The following NRG1 variants were observed in gnomAD, a reference collection of about 807,000 sequenced individuals.
The protein encoded by NRG1 is neuregulin 1.
A neutral mutation model predicts 63.8 loss-of-function variants in NRG1; 18 were observed. That is an observed-to-expected ratio of 0.28 (90% CI 0.19 to 0.42). The LOEUF is 0.42. Ranked by LOEUF, NRG1 falls within the 10% of genes least tolerant of loss-of-function variation. NRG1 has a pLI of 1.00. For synonymous variants in NRG1, 302 were observed against 301.3 expected, an observed-to-expected ratio of 1.00 and a Z score of -0.02; for missense variants, 762 against 814.7, an observed-to-expected ratio of 0.94 and a Z score of 0.79.
intron 1 of NRG1, among the ~76,000 whole-genome samples, chr8:32,265,830 G>A (rs776196343): frequency 4.6e-5 from 7 of 152,026 alleles, no homozygotes; most frequent in Non-Finnish European, 8.8e-5. Context: ...GTGACAGAAT[G>A]AGACCCTGTC....
At chr8:32,052,293 T>G (rs1165276622) in intron 1 of NRG1, among the ~76,000 whole-genome samples, 14 of 61,662 alleles carry the variant, frequency 2.3e-4, no homozygotes, top group Non-Finnish European at 2.6e-4. Context: ...TTTTTTTTTT[T>G]GAAACAAGAT....
chr8:31,923,026 G>T (rs1834039861), intron 1 of NRG1, among the ~76,000 whole-genome samples: 1 of 152,130 alleles, frequency 6.6e-6, no homozygotes, highest in Non-Finnish European at 1.5e-5. Flanking sequence ...AAGGAAGAAT[G>T]AATAGAAAGT....
chr8:32,623,084 A>G (rs1318606094), intron 5 of NRG1, among the ~76,000 whole-genome samples: 1 of 152,230 alleles, frequency 6.6e-6, no homozygotes, highest in Non-Finnish European at 1.5e-5. Flanking sequence ...TCTGAATGAA[A>G]TGAACAATTC....
At chr8:32,489,992 T>G (rs1249253002) in intron 1 of NRG1, among the ~76,000 whole-genome samples, 1 of 152,142 alleles carries the variant, frequency 6.6e-6, no homozygotes, top group Non-Finnish European at 1.5e-5. Flanking sequence ...AGTATCAGCT[T>G]CACCTGGGAA....
At chr8:32,656,412 G>A (rs1183440211) in intron 5 of NRG1, among the ~76,000 whole-genome samples, 2 of 152,056 alleles carry the variant, frequency 1.3e-5, no homozygotes, top group African/African-American at 4.8e-5. Flanking sequence ...AATCTTACTA[G>A]CTGGATTATT....
intron 1 of NRG1, among the ~76,000 whole-genome samples, chr8:32,447,865 T>A (rs1421795361): frequency 5.5e-5 from 8 of 144,936 alleles, no homozygotes; most frequent in Admixed American, 2.8e-4. Flanking sequence ...AAAAAAAAAA[T>A]ACGTAAAGCA....
Position 32,261,025 on chromosome 8 carries a change from T to C in NRG1, c.38-334803T>C, listed in dbSNP as rs557038699. 3.3e-5 allele frequency among the ~76,000 whole-genome samples: 5 copies of C among 152,340 alleles called. No homozygotes were observed. The South Asian group carries it at 1.0e-3, about 32-fold the overall frequency. On this transcript the variant is annotated intron_variant, in intron 1 of 10. Transcript: ENST00000519301. ...CACTTTAATAGTTTTGTACTTGATA[T>C]GATGACTCTTTTAAACAAAACACTT...
At chr8:32,366,349 C>A (rs925588879) in intron 1 of NRG1, among the ~76,000 whole-genome samples, 4 of 152,006 alleles carry the variant, frequency 2.6e-5, no homozygotes, top group Non-Finnish European at 5.9e-5. Flanking sequence ...ATCTGCCCCC[C>A]ACCTCCACCC....
At chr8:32,591,942 T>C in intron 1 of NRG1, among the ~76,000 whole-genome samples, 1 of 151,310 alleles carries the variant, frequency 6.6e-6, no homozygotes, top group East Asian at 1.9e-4. Context: ...GCACCTAATA[T>C]AAAAGTTAAA....
chr8:32,347,785 TGTGAGG>T (rs1805106761), intron 1 of NRG1, among the ~76,000 whole-genome samples: 1 of 152,222 alleles, frequency 6.6e-6, no homozygotes, highest in Non-Finnish European at 1.5e-5. Context: ...GATTTCATGC[TGTGAGG>T]GTGATGAGGG....
chr8:31,939,514 A>AT (rs958191461), intron 1 of NRG1, among the ~76,000 whole-genome samples: 3 of 151,908 alleles, frequency 2.0e-5, no homozygotes, highest in African/African-American at 7.3e-5. Flanking sequence ...AAAAAAAAAA[A>AT]CCCAACTTAT....
chr8:32,651,460 C>G lies in NRG1; in HGVS notation c.502+34575C>G, dbSNP rs368022846. Among the ~76,000 whole-genome samples the G allele has an allele frequency of 4.6e-4, 70 of 152,180 alleles. 1 individual carries two copies. In the East Asian group the frequency reaches 8.1e-3, roughly 18 times the overall value. ...TCTGGGCTTTAAAATTTTTCCTACC[C>G]TGACTGTTGGGAGATTGCAAACTTA... On this transcript the variant is annotated intron_variant, in intron 5 of 11. Coordinates refer to ENST00000356819, the Ensembl canonical transcript of NRG1.
At chr8:31,879,498 G>A (rs904820670) in intron 1 of NRG1, among the ~76,000 whole-genome samples, 6 of 152,140 alleles carry the variant, frequency 3.9e-5, no homozygotes, top group Non-Finnish European at 8.8e-5. Context: ...CTAGTTCTCA[G>A]GCCCATCAAA....
intron 1 of NRG1, among the ~76,000 whole-genome samples, chr8:31,701,629 G>A (rs1810642107): frequency 6.6e-6 from 1 of 152,106 alleles, no homozygotes; most frequent in African/African-American, 2.4e-5. Flanking sequence ...CATTTATTGA[G>A]AAAGATGAGC....
intron 1 of NRG1, among the ~76,000 whole-genome samples, chr8:32,031,053 C>A (rs1818186194): frequency 6.6e-6 from 1 of 152,180 alleles, no homozygotes; most frequent in Admixed American, 6.5e-5. Flanking sequence ...GAACTGCTTT[C>A]TGGCTCTCAA....
chr8:32,753,408 C>T (rs928975729), intron 7 of NRG1, among the ~76,000 whole-genome samples: 2 of 152,200 alleles, frequency 1.3e-5, no homozygotes, highest in African/African-American at 4.8e-5. Context: ...AGACTGATCG[C>T]ATTTTGGGTG....
chr8:31,779,411 C>T (rs898041670), intron 1 of NRG1, among the ~76,000 whole-genome samples: 26 of 151,436 alleles, frequency 1.7e-4, no homozygotes, highest in Admixed American at 8.6e-4. Context: ...GGCTTTTCTC[C>T]GGTGTCACAA....
intron 1 of NRG1, among the ~76,000 whole-genome samples, chr8:32,390,397 A>G (rs1191439794): frequency 1.3e-5 from 2 of 152,054 alleles, no homozygotes; most frequent in Admixed American, 1.3e-4. Context: ...CCTGGGCAAC[A>G]TAGTGAGACT....
chr8:32,564,126 A>G (rs1226894515), intron 1 of NRG1, among the ~76,000 whole-genome samples: 1 of 152,222 alleles, frequency 6.6e-6, no homozygotes. Flanking sequence ...ACAGAGAAAC[A>G]GAGAATGCTG....
Sources: gnomAD v4.1 joint callset for allele counts (sites outside exome capture counted in the v4.1 genomes callset) on GRCh38, gnomAD v4.1.1 for gene constraint, MANE v1.5 for transcripts, NCBI Gene and HGNC (gene_info 2026-07-23, HGNC 2026-07-21) for gene names.